The following ARPC1A variants were observed in gnomAD, a reference collection of about 807,000 sequenced individuals.
ARPC1A encodes actin-related protein 2/3 complex subunit 1A.
A neutral mutation model predicts 46.9 loss-of-function variants in ARPC1A; 8 were observed. That is an observed-to-expected ratio of 0.17 (90% CI 0.10 to 0.31). The LOEUF (loss-of-function observed/expected upper bound fraction) is 0.31, where lower values mean the gene tolerates loss of function less well. Among genes scored for constraint, ARPC1A ranks in the 10% least tolerant of loss-of-function variants. The probability of loss-of-function intolerance (pLI) is 1.00; values close to 1 mark genes in which losing one functional copy is unlikely to be tolerated. For synonymous variants in ARPC1A, 152 were observed against 169.0 expected (o/e 0.90, Z 0.78); for missense variants, 286 against 483.6 (o/e 0.59, Z 3.83).
chr7:99,365,176 C>T (rs1278763745), intron 9 of ARPC1A, among the ~76,000 whole-genome samples: 2 of 152,284 alleles, frequency 1.3e-5, no homozygotes, highest in South Asian at 4.1e-4. Flanking sequence ...GGTAGCCAGG[C>T]GCAGTGGCTC....
chr7:99,358,992 G>T (rs187995407), intron 7 of ARPC1A, among the ~76,000 whole-genome samples: 2 of 150,888 alleles, frequency 1.3e-5, no homozygotes, highest in African/African-American at 2.4e-5. Context: ...CCACCTCGCC[G>T]GGCTAATTTT....
chr7:99,338,337 T>C, intron 3 of ARPC1A, 52 bp downstream of exon 3: 1 of 1,388,624 alleles, frequency 7.2e-7, no homozygotes, highest in Non-Finnish European at 9.9e-7. Flanking sequence ...TCAGGCACTC[T>C]TCCTTTTAGA....
intron 1 of ARPC1A, among the ~76,000 whole-genome samples, chr7:99,331,543 A>T (rs575584076): frequency 6.6e-6 from 1 of 152,344 alleles, no homozygotes; most frequent in South Asian, 2.1e-4. Context: ...AAGAAAATGA[A>T]AATAATTCCA....
chr7:99,364,930 G>A (rs979686748), intron 9 of ARPC1A, among the ~76,000 whole-genome samples: 1 of 152,126 alleles, frequency 6.6e-6, no homozygotes, highest in Non-Finnish European at 1.5e-5. Flanking sequence ...TCACACAGAG[G>A]AATCTAGGGG....
intron 9 of ARPC1A, among the ~76,000 whole-genome samples, chr7:99,364,617 A>G (rs1793801086): frequency 6.6e-6 from 1 of 152,148 alleles, no homozygotes; most frequent in Non-Finnish European, 1.5e-5. Context: ...AGAACGGCAC[A>G]TTCTCAGTGA....
intron 2 of ARPC1A, among the ~76,000 whole-genome samples, chr7:99,335,906 A>G (rs939233753): frequency 6.6e-6 from 1 of 150,884 alleles, no homozygotes; most frequent in African/African-American, 2.4e-5. Context: ...GTGAGCCGAG[A>G]TTGTGCCACC....
At chr7:99,333,867 T>G (rs1420946266) in intron 2 of ARPC1A, among the ~76,000 whole-genome samples, 5 of 152,056 alleles carry the variant, frequency 3.3e-5, no homozygotes, top group Non-Finnish European at 7.4e-5. Context: ...CTGGGTGCAG[T>G]GGCTCCTGCC....
rs146543847 is a variant in ARPC1A at position 99,345,233 on chromosome 7, A to G, written c.392+718A>G. Among the ~76,000 whole-genome samples, 469 of 151,992 alleles carry G rather than the reference A, an allele frequency of 3.1e-3. 3 individuals carry two copies. The highest frequency in any genetic ancestry group is 0.03 in the South Asian group (145 of 4,796). On this transcript the variant is annotated intron_variant, in intron 4 of 9. Transcript: ENST00000262942. ...AGGCGTGAGCCACCACGCCTGGTCAATGTTCCTTCTTTAAAGCTTATTTGC... is the reference window on the plus strand; with the variant it reads ...AGGCGTGAGCCACCACGCCTGGTCAGTGTTCCTTCTTTAAAGCTTATTTGC...
At chr7:99,353,635 G>C (rs1054455821) in intron 5 of ARPC1A, among the ~76,000 whole-genome samples, 4 of 151,540 alleles carry the variant, frequency 2.6e-5, no homozygotes, top group Non-Finnish European at 5.9e-5. Flanking sequence ...GCGCCCCCAC[G>C]CTTGGCTAAT....
chr7:99,338,251 T>G lies in ARPC1A; in HGVS notation c.135T>G (p.Ala45=). 6.2e-7 allele frequency: 1 copy of G among 1,612,736 alleles called. No individual in the cohort carries two copies. The highest frequency in any genetic ancestry group is 8.5e-7 in the Non-Finnish European group (1 of 1,179,328). ...YKKNGSQWVK[A]HELKEHNGHI... ...AGAACGGGAGCCAGTGGGTGAAAGC[T>G]CATGAACTCAAGGAGCACAACGGAC... The change falls in exon 3 of 10, where the codon GCT becomes GCG. Residue 45 remains alanine, a synonymous_variant. Coordinates refer to ENST00000262942, the MANE Select transcript of ARPC1A (RefSeq NM_006409.4).
chr7:99,332,835 T>C (rs1001175157), intron 1 of ARPC1A, among the ~76,000 whole-genome samples: 1 of 151,930 alleles, frequency 6.6e-6, no homozygotes, highest in Non-Finnish European at 1.5e-5. Context: ...TCTCCTGACC[T>C]CGTGACCTGC....
chr7:99,342,944 G>A (rs1257941847), intron 3 of ARPC1A, among the ~76,000 whole-genome samples: 1 of 151,682 alleles, frequency 6.6e-6, no homozygotes, highest in African/African-American at 2.4e-5. Context: ...GGATAGTCTC[G>A]ATCTCCTAAC....
At chr7:99,355,674 G>A (rs1793615522) in intron 6 of ARPC1A, among the ~76,000 whole-genome samples, 1 of 151,288 alleles carries the variant, frequency 6.6e-6, no homozygotes. Flanking sequence ...AACCCAGGAG[G>A]TGAAGGTTGC....
intron 7 of ARPC1A, 109 bp from the exon 8 acceptor site, chr7:99,359,436 A>T (rs75723392): frequency 5.2e-3 from 3 of 580 alleles, no homozygotes; most frequent in Non-Finnish European, 0.021. Context: ...ACTCGGTCTC[A>T]AAAAAAAAAA....
intron 1 of ARPC1A, among the ~76,000 whole-genome samples, chr7:99,329,226 G>A (rs55891916): frequency 1.1e-4 from 17 of 151,870 alleles, no homozygotes; most frequent in East Asian, 1.9e-4. Context: ...GCGTGAACCC[G>A]GGAGGCAGAG....
chr7:99,344,384 G>A lies in ARPC1A; in HGVS notation c.261G>A (p.Lys87=). 1 of 1,614,010 alleles carries A rather than the reference G, an allele frequency of 6.2e-7. No individual in the cohort carries two copies. The highest frequency in any genetic ancestry group is 8.5e-7 in the Non-Finnish European group (1 of 1,179,868). The change falls in exon 4 of 10, where the codon AAG becomes AAA. Residue 87 remains lysine, a synonymous_variant. Transcript: ENST00000262942. ...GGAGTCAGAAAGATGGTGTTTGGAA[G>A]CCAACCCTGGTGATCCTGAGAATTA... is the stretch of plus-strand genomic sequence containing the variant. ...YVWSQKDGVW[K]PTLVILRINR... is the part of the protein sequence containing the mutation.
In ARPC1A at chr7:99,344,920, CTTTTTTTTTTTTT is replaced by C. The variant is rs1172071932; in HGVS notation, c.392+422_392+434del. 4.0e-4 allele frequency among the ~76,000 whole-genome samples: 8 copies of C among 20,100 alleles called. No homozygotes were observed. The South Asian group carries it at 9.8e-3, about 25-fold the overall frequency. 13.2% of individuals were successfully genotyped at this position (20,100 alleles called of 152,430 possible). On this transcript the variant is annotated intron_variant, in intron 4 of 9. Coordinates refer to ENST00000262942, the MANE Select transcript of ARPC1A (RefSeq NM_006409.4). ...TAGGATTCCTACAGATAACAATGTT[CTTTTTTTTTTTTT>C]TTTTTTTTTTTTTTTTGAGACAGAG...
chr7:99,353,155 TA>T (rs1217695410), intron 5 of ARPC1A, among the ~76,000 whole-genome samples: 1 of 151,440 alleles, frequency 6.6e-6, no homozygotes, highest in East Asian at 1.9e-4. Flanking sequence ...TATGTTATGT[TA>T]TGTTATGTTA....
At chr7:99,330,607 G>A (rs1378235607) in intron 1 of ARPC1A, among the ~76,000 whole-genome samples, 2 of 152,206 alleles carry the variant, frequency 1.3e-5, no homozygotes, top group African/African-American at 4.8e-5. Flanking sequence ...GAGCCACCAT[G>A]CCTGGCCTGG....
Sources: gnomAD v4.1 joint callset for allele counts (sites outside exome capture counted in the v4.1 genomes callset) on GRCh38, gnomAD v4.1.1 for gene constraint, MANE v1.5 for transcripts, NCBI Gene and HGNC (gene_info 2026-07-23, HGNC 2026-07-21) for gene names.